Variants in RBPMS observed in about 807,000 individuals in gnomAD.
RBPMS encodes the protein RNA-binding protein with multiple splicing.
Under a neutral mutation model 26.8 loss-of-function variants are expected in RBPMS, and 7 were observed. The observed-to-expected ratio is 0.26, with a 90% confidence interval of 0.15 to 0.49. The LOEUF (loss-of-function observed/expected upper bound fraction) is 0.49. Ranked by LOEUF, RBPMS falls within the 20% of genes least tolerant of loss-of-function variation. The pLI is 0.98. For missense variants in RBPMS, 186 were observed against 250.0 expected (o/e 0.74, Z 1.73); for synonymous variants, 96 against 93.3 (o/e 1.03, Z -0.17).
chr8:30,416,235 A>G (rs1188264610), intron 1 of RBPMS, among the ~76,000 whole-genome samples: 5 of 152,216 alleles, frequency 3.3e-5, no homozygotes, highest in African/African-American at 1.2e-4. Flanking sequence ...ATGTTAATCC[A>G]TAGGACATAC....
chr8:30,386,200 G>C (rs1807056901), intron 1 of RBPMS, among the ~76,000 whole-genome samples: 1 of 152,156 alleles, frequency 6.6e-6, no homozygotes, highest in Non-Finnish European at 1.5e-5. Flanking sequence ...GAAGGTAAAC[G>C]GATTCTAAAG....
At chr8:30,497,852 G>C (rs1048129902) in intron 4 of RBPMS, among the ~76,000 whole-genome samples, 1 of 151,794 alleles carries the variant, frequency 6.6e-6, no homozygotes, top group African/African-American at 2.4e-5. Flanking sequence ...TCGATCTCCT[G>C]ACCTTGTGAT....
At chr8:30,569,956 A>G (rs1031077675) in intron 8 of RBPMS, among the ~76,000 whole-genome samples, 1 of 152,216 alleles carries the variant, frequency 6.6e-6, no homozygotes, top group Non-Finnish European at 1.5e-5. Flanking sequence ...CACTGTGGAA[A>G]GCTCTGCCTG....
chr8:30,420,297 TAA>T (rs1810615499), intron 1 of RBPMS, among the ~76,000 whole-genome samples: 1 of 152,102 alleles, frequency 6.6e-6, no homozygotes, highest in Non-Finnish European at 1.5e-5. Flanking sequence ...ATAGATATTG[TAA>T]AGTCTCTTTT....
chr8:30,456,855 A>T (rs1815277446), intron 1 of RBPMS, among the ~76,000 whole-genome samples: 1 of 152,218 alleles, frequency 6.6e-6, no homozygotes, highest in African/African-American at 2.4e-5. Context: ...CCGGAGGTGG[A>T]GGTTGCAGTG....
intron 1 of RBPMS, among the ~76,000 whole-genome samples, chr8:30,418,847 C>T (rs191625447): frequency 4.8e-4 from 73 of 152,096 alleles, no homozygotes; most frequent in African/African-American, 1.7e-3. Flanking sequence ...CCAAAATGCT[C>T]GGCCTCCCAA....
intron 6 of RBPMS, chr8:30,545,735 G>A (rs934256247): frequency 3.3e-5 from 5 of 152,224 alleles, no homozygotes; most frequent in African/African-American, 1.2e-4. Flanking sequence ...GGTCGAGATT[G>A]TTGTTGGCTG....
At chr8:30,461,728 T>C (rs550412488) in intron 1 of RBPMS, among the ~76,000 whole-genome samples, 21 of 152,310 alleles carry the variant, frequency 1.4e-4, no homozygotes, top group African/African-American at 4.6e-4. Context: ...GAGAGATCAC[T>C]TGTGCCCTTT....
At chr8:30,407,836 T>G (rs1175987857) in intron 1 of RBPMS, among the ~76,000 whole-genome samples, 1 of 119,138 alleles carries the variant, frequency 8.4e-6, no homozygotes, top group African/African-American at 3.3e-5. Context: ...CAGCCTGGAT[T>G]TGAACCTGGT....
Position 30,557,103 on chromosome 8 carries a change from A to G in RBPMS, c.529-1784A>G, listed in dbSNP as rs75327933. On this transcript the variant is annotated intron_variant, in intron 6 of 8. Transcript: ENST00000397323. Reference sequence around the variant, plus strand: ...ACTTTGCCTTTCCCTGATACTGGGGACCCTGCTCTAGCTGGTCATCTGATC... The same window carrying G: ...ACTTTGCCTTTCCCTGATACTGGGGGCCCTGCTCTAGCTGGTCATCTGATC... 1.1e-3 allele frequency among the ~76,000 whole-genome samples: 160 copies of G among 152,170 alleles called. 3 individuals are homozygous for G. The East Asian group carries it at 0.03, about 28-fold the overall frequency.
At position 30,481,623 on chromosome 8, in the gene RBPMS, T is replaced by C. The variant is rs140891709; in HGVS notation, c.246+2246T>C. Reference sequence around the variant, plus strand: ...AATCATTAATAGTTTGCTACTTATGTGTTAATAACTTGGGAAGGACCCCAA... The same window carrying C: ...AATCATTAATAGTTTGCTACTTATGCGTTAATAACTTGGGAAGGACCCCAA... On this transcript the variant is annotated intron_variant, in intron 4 of 8. Coordinates refer to ENST00000397323, the MANE Select transcript of RBPMS (RefSeq NM_001008710.3). Among the ~76,000 whole-genome samples, 46 of 152,262 alleles carry C rather than the reference T, an allele frequency of 3.0e-4. No individual in the cohort carries two copies. In the East Asian group the frequency reaches 6.8e-3, roughly 22 times the overall value.
At chr8:30,455,583 A>T (rs540388172) in intron 1 of RBPMS, among the ~76,000 whole-genome samples, 2 of 152,236 alleles carry the variant, frequency 1.3e-5, no homozygotes, top group East Asian at 3.9e-4. Flanking sequence ...TCTGGAAGTA[A>T]AGAATAATTA....
intron 1 of RBPMS, among the ~76,000 whole-genome samples, chr8:30,419,139 GTTTTA>G (rs1810441405): frequency 6.6e-6 from 1 of 151,342 alleles, no homozygotes. Context: ...AAATCACAGG[GTTTTA>G]ATTTTATTTT....
intron 5 of RBPMS, among the ~76,000 whole-genome samples, chr8:30,517,814 T>A (rs1284000814): frequency 6.6e-6 from 1 of 152,208 alleles, no homozygotes; most frequent in Admixed American, 6.5e-5. Context: ...GGTCTTCCGC[T>A]TTTAGCTGAA....
chr8:30,563,033 T>C (rs1827626114), intron 7 of RBPMS, among the ~76,000 whole-genome samples: 1 of 152,218 alleles, frequency 6.6e-6, no homozygotes, highest in East Asian at 1.9e-4. Context: ...TAAGTTCTAA[T>C]GGCAGAGAAC....
At chr8:30,428,955 G>A (rs552014642) in intron 1 of RBPMS, among the ~76,000 whole-genome samples, 1 of 152,162 alleles carries the variant, frequency 6.6e-6, no homozygotes, top group Admixed American at 6.6e-5. Context: ...AAAGCACATG[G>A]GAATCCATGA....
chr8:30,546,024 A>T (rs916888965), intron 6 of RBPMS, among the ~76,000 whole-genome samples: 3 of 152,094 alleles, frequency 2.0e-5, no homozygotes, highest in African/African-American at 7.2e-5. Context: ...GGGAACCCTC[A>T]CAACTGGCAG....
chr8:30,434,361 A>G (rs1248807581), intron 1 of RBPMS, among the ~76,000 whole-genome samples: 2 of 152,120 alleles, frequency 1.3e-5, no homozygotes, highest in Non-Finnish European at 2.9e-5. Flanking sequence ...GGGAGTTACT[A>G]TCATTGGTCT....
In RBPMS at chr8:30,555,906, T is replaced by TC. The variant is rs112976335; in HGVS notation, c.529-2974dup. 106 of 984,996 alleles carry TC rather than the reference T, an allele frequency of 1.1e-4. 2 individuals carry two copies. In the East Asian group the frequency reaches 1.8e-3, roughly 17 times the overall value. The allele number at this position is 984,996 out of a possible 1,614,324, so 61.0% of individuals were successfully genotyped here. ...CAGTGATTAGCGCGGAGCAGCTTGT[T>TC]CCCCCCCACCGGGCCGGCTGCCCGA... On this transcript the variant is annotated intron_variant, in intron 6 of 8. Transcript: ENST00000397323.
Sources: allele counts gnomAD v4.1 joint callset (sites outside exome capture counted in the v4.1 genomes callset), GRCh38; gene constraint gnomAD v4.1.1; transcripts MANE v1.5; gene names NCBI Gene and HGNC (gene_info 2026-07-23, HGNC 2026-07-21).